AGL: variants seen among roughly 807,000 people sequenced by gnomAD.
AGL encodes the protein amylo-alpha-1,6-glucosidase and 4-alpha-glucanotransferase, also known as glycogen debranching enzyme.
AGL carries 128 observed loss-of-function variants against 199.3 expected under a neutral mutation model. The ratio of observed to expected loss-of-function variants is 0.64; its 90% CI spans 0.56 to 0.74. AGL has a LOEUF of 0.74. Among genes scored for constraint, AGL ranks in the 30% least tolerant of loss-of-function variants. The pLI is 0.00. For synonymous variants in AGL, 584 were observed against 594.7 expected (o/e 0.98, Z 0.26); for missense variants, 1,809 against 1,820.8 (o/e 0.99, Z 0.12).
At chr1:99,900,885 TTTTTG>T in intron 26 of AGL, 24 bp downstream of exon 26, 1 of 1,495,116 alleles carries the variant, frequency 6.7e-7, no homozygotes, top group Non-Finnish European at 9.1e-7. Flanking sequence ...TTAAAATGTT[TTTTTG>T]TTTTTTTTTT....
In AGL at chr1:99,900,293, G is replaced by A. The variant is rs12734255; in HGVS notation, c.3363-343G>A. Reference sequence around the variant, plus strand: ...TGCTATTTAAAATAATTAAGTTCTTGTTTAATAGTTACTTCGATTTTGAAA... The same window carrying A: ...TGCTATTTAAAATAATTAAGTTCTTATTTAATAGTTACTTCGATTTTGAAA... On this transcript the variant is annotated intron_variant, in intron 25 of 33. Transcript: ENST00000361915. Among the ~76,000 whole-genome samples, 2,547 of 152,196 alleles carry A rather than the reference G, an allele frequency of 0.017. 57 individuals are homozygous for A. Among genetic ancestry groups the A allele is most frequent in the South Asian group, 0.14 (651 of 4,814 alleles).
rs527553815 is a variant in AGL, at chr1:99,889,258, A to G, written c.2812+1150A>G. Among the ~76,000 whole-genome samples, 39 of 152,344 alleles carry G rather than the reference A, an allele frequency of 2.6e-4. No homozygotes were observed. The South Asian group carries it at 7.7e-3, about 30-fold the overall frequency. On this transcript the variant is annotated intron_variant, in intron 21 of 33. Transcript: ENST00000361915. ...CTTTCAGAAAGAAGAATTAAGTTTT[A>G]TCTTTTTTATGCTTCTTGTCTTTTA...
intron 5 of AGL, 30 bp downstream of exon 5, chr1:99,864,619 T>C (rs1220463593): frequency 6.3e-7 from 1 of 1,580,172 alleles, no homozygotes; most frequent in Admixed American, 1.7e-5. Context: ...CCTTCATTAA[T>C]TTTGATGAGA....
chr1:99,911,723 A>G (rs1654767776), intron 28 of AGL, among the ~76,000 whole-genome samples: 1 of 152,164 alleles, frequency 6.6e-6, no homozygotes, highest in Admixed American at 6.5e-5. Flanking sequence ...GATTACAGAA[A>G]TGAGCCACTG....
At chr1:99,877,128 G>A (rs988500034) in intron 11 of AGL, among the ~76,000 whole-genome samples, 7 of 151,964 alleles carry the variant, frequency 4.6e-5, no homozygotes, top group Non-Finnish European at 7.4e-5. Context: ...TTCGAAACTA[G>A]GAGTCTATAT....
At chr1:99,920,445 G>A (rs545759718) in intron 33 of AGL, among the ~76,000 whole-genome samples, 12 of 152,226 alleles carry the variant, frequency 7.9e-5, no homozygotes, top group Admixed American at 2.6e-4. Context: ...TGAGGTACTC[G>A]GGGCTAGGAC....
intron 5 of AGL, among the ~76,000 whole-genome samples, chr1:99,868,504 C>A (rs932230681): frequency 6.6e-6 from 1 of 151,960 alleles, no homozygotes; most frequent in Non-Finnish European, 1.5e-5. Flanking sequence ...CCCAGCTACT[C>A]CAGAGGCTGA....
At chr1:99,919,222 G>A (rs1461824444) in intron 33 of AGL, among the ~76,000 whole-genome samples, 2 of 152,158 alleles carry the variant, frequency 1.3e-5, no homozygotes, top group East Asian at 3.8e-4. Context: ...AAGGCAGTAA[G>A]GTATGGTAAT....
intron 2 of AGL, among the ~76,000 whole-genome samples, chr1:99,854,050 C>T (rs1649201920): frequency 6.6e-6 from 1 of 151,850 alleles, no homozygotes; most frequent in South Asian, 2.1e-4. Context: ...AAAAATTAGC[C>T]AGGCGTGGTG....
chr1:99,854,721 G>T (rs868520980), intron 2 of AGL, among the ~76,000 whole-genome samples: 1 of 148,862 alleles, frequency 6.7e-6, no homozygotes. Flanking sequence ...CTGAGATTGC[G>T]CCACTGCACT....
chr1:99,907,693 G>GTTTTTTGTTTTGTT (rs1553191713), intron 27 of AGL, among the ~76,000 whole-genome samples: 1 of 118,944 alleles, frequency 8.4e-6, no homozygotes. Flanking sequence ...TTTGTTTTTT[G>GTTTTTTGTTTTGTT]TTTTTTTTGC....
chr1:99,892,748 C>T (rs1653006709), intron 24 of AGL, 141 bp downstream of exon 24: 2 of 827,132 alleles, frequency 2.4e-6, no homozygotes. Context: ...CATAGATATT[C>T]ACTCATAAAA....
intron 17 of AGL, among the ~76,000 whole-genome samples, chr1:99,882,689 T>G (rs1470068720): frequency 2.0e-5 from 3 of 152,192 alleles, no homozygotes; most frequent in Non-Finnish European, 4.4e-5. Context: ...TTACTTGATT[T>G]TTTTCTGGAT....
intron 8 of AGL, 141 bp downstream of exon 8, chr1:99,874,951 A>G (rs904838835): frequency 1.7e-6 from 2 of 1,207,522 alleles, no homozygotes; most frequent in African/African-American, 1.5e-5. Flanking sequence ...ATTTCAGCAC[A>G]TGACATTTTC....
At chr1:99,878,588 G>GT (rs1192656661) in intron 12 of AGL, among the ~76,000 whole-genome samples, 1 of 151,558 alleles carries the variant, frequency 6.6e-6, no homozygotes, top group Non-Finnish European at 1.5e-5. Flanking sequence ...CTGCTTATAA[G>GT]TTTTTTTTGT....
chr1:99,870,410 T>C lies in AGL; in HGVS notation c.675T>C (p.Ser225=), dbSNP rs145391010. ...DVVYNHTAAN[S]KWIQEHPECA... Reference sequence around the variant, plus strand: ...TCCTTTTTCCTTCAGCTGCTAATAGTAAATGGATCCAGGAACATCCAGAAT... The same window carrying C: ...TCCTTTTTCCTTCAGCTGCTAATAGCAAATGGATCCAGGAACATCCAGAAT... Residue 225 remains serine (S), a synonymous_variant, in exon 6 of 34, where the codon AGT becomes AGC. Transcript: ENST00000361915. The C allele has an allele frequency of 1.4e-5, 23 of 1,613,846 alleles. No homozygotes were observed. Among genetic ancestry groups the C allele is most frequent in the Non-Finnish European group, 1.9e-5 (23 of 1,179,916 alleles).
In AGL at chr1:99,896,294, C is replaced by G; in HGVS notation, c.3268C>G (p.His1090Asp). Residue 1090 changes from histidine to aspartate, a missense_variant, in exon 25 of 34, where the codon CAT (histidine) becomes GAT (aspartate). Physicochemically the swap from His to Asp is moderately conservative, Grantham distance 81 (BLOSUM62 -1). Transcript: ENST00000361915. ...TGTGTTTTTTTTGTTAGGCTTACCT[C>G]ATTTTTCTTCTGGTATTTTCCGCTG... is the stretch of plus-strand genomic sequence containing the variant. ...CCVSLAAGLP[H>D]FSSGIFRCWG... 1.2e-6 allele frequency: 2 copies of G among 1,613,418 alleles called. No individual in the cohort carries two copies. Among genetic ancestry groups the G allele is most frequent in the Non-Finnish European group, 1.7e-6 (2 of 1,179,504 alleles).
At chr1:99,891,078 G>A (rs1390980496) in intron 21 of AGL, 142 bp from the exon 22 acceptor site, 1 of 967,418 alleles carries the variant, frequency 1.0e-6, no homozygotes, top group African/African-American at 1.6e-5. Context: ...GCAGTGTTGT[G>A]GACTGGGTAG....
At position 99,888,099 on chromosome 1, in the gene AGL, G is replaced by T. The variant is rs1051512948; in HGVS notation, c.2803G>T (p.Gly935Cys). 3 of 1,613,032 alleles carry T rather than the reference G, an allele frequency of 1.9e-6. No homozygotes were observed. The highest frequency in any genetic ancestry group is 1.7e-5 in the Admixed American group (1 of 59,948). The stretch of plus-strand genomic sequence containing the variant: ...AAACTGGTCAGCCCTTAAATATGCA[G>T]GTCTTCAAGGTAAGCAAATGGAAGG... ...IPNWSALKYA[G>C]LQGLMSVLAE... Residue 935 changes from glycine to cysteine, a missense_variant, in exon 21 of 34, where the codon GGT (glycine) becomes TGT (cysteine). Physicochemically the swap from Gly to Cys is radical, Grantham distance 159. Coordinates refer to ENST00000361915, the MANE Select transcript of AGL (RefSeq NM_000642.3).
Sources: allele counts gnomAD v4.1 joint callset (sites outside exome capture counted in the v4.1 genomes callset), GRCh38; gene constraint gnomAD v4.1.1; transcripts MANE v1.5; gene names NCBI Gene and HGNC (gene_info 2026-07-23, HGNC 2026-07-21).